USH2A: variants seen among roughly 807,000 people sequenced by gnomAD.
USH2A encodes the protein usherin.
Under a neutral mutation model 538.9 loss-of-function variants are expected in USH2A, and 443 were observed. That is an observed-to-expected ratio of 0.82 (90% CI 0.76 to 0.89). USH2A has a LOEUF of 0.89. Among genes scored for constraint, USH2A ranks in the 40% least tolerant of loss-of-function variants. USH2A has a pLI of 0.00. For missense variants in USH2A, 6,633 were observed against 6,324.8 expected (o/e 1.05, Z -1.65); for synonymous variants, 2,413 against 2,273.5 (o/e 1.06, Z -1.75).
At chr1:215,821,804 G>T (rs1240014282) in intron 47 of USH2A, among the ~76,000 whole-genome samples, 1 of 151,594 alleles carries the variant, frequency 6.6e-6, no homozygotes, top group Non-Finnish European at 1.5e-5. Flanking sequence ...AGAGATAGGG[G>T]TCTATCTCTT....
chr1:216,092,372 G>A (rs149192589), intron 22 of USH2A, among the ~76,000 whole-genome samples: 140 of 152,148 alleles, frequency 9.2e-4, no homozygotes, highest in Middle Eastern at 3.4e-3. Flanking sequence ...AGATAATCTC[G>A]TCCGCATTTA....
chr1:215,748,719 C>T (rs10864192), intron 58 of USH2A, among the ~76,000 whole-genome samples: 45,662 of 152,000 alleles, frequency 0.3, 7,107 homozygotes, highest in Admixed American at 0.39. Flanking sequence ...TCCCAAGCGA[C>T]CACTGGCAAA....
At position 216,247,163 on chromosome 1, in the gene USH2A, C is replaced by T. The variant is rs751035557; in HGVS notation, c.2231G>A (p.Cys744Tyr). ...KFLRSFNDVG[C>Y]EPCQCNLHGS... ...ATGGAGGTTACACTGGCAGGGCTCA[C>T]ATCCAACATCATTAAAGCTTCGGAG... The change falls in exon 13 of 72, where the codon TGT becomes TAT. Residue 744 changes from cysteine (C) to tyrosine (Y), a missense_variant. By Grantham distance (194) the Cys-to-Tyr change is radical. Coordinates refer to ENST00000307340, the MANE Select transcript of USH2A (RefSeq NM_206933.4). 2 of 1,614,086 alleles carry T rather than the reference C, an allele frequency of 1.2e-6. No homozygotes were observed. The highest frequency in any genetic ancestry group is 8.5e-7 in the Non-Finnish European group (1 of 1,179,950).
chr1:215,832,193 G>A (rs1367925586), intron 47 of USH2A, among the ~76,000 whole-genome samples: 1 of 151,770 alleles, frequency 6.6e-6, no homozygotes, highest in Admixed American at 6.6e-5. Flanking sequence ...GGGTTTCACT[G>A]GTGAATTTTA....
At chr1:215,732,544 C>CTTTCTTTTTTTTTTTTT in intron 60 of USH2A, among the ~76,000 whole-genome samples, 1 of 73,558 alleles carries the variant, frequency 1.4e-5, no homozygotes, top group African/African-American at 6.1e-5. Flanking sequence ...TTTTTTCTTT[C>CTTTCTTTTTTTTTTTTT]TTTTTTTTTT....
At chr1:215,705,036 T>C (rs1659147267) in intron 61 of USH2A, among the ~76,000 whole-genome samples, 1 of 152,254 alleles carries the variant, frequency 6.6e-6, no homozygotes, top group Non-Finnish European at 1.5e-5. Context: ...ATTATCTTAT[T>C]GGCAATATGC....
At chr1:215,850,441 T>A (rs1345382436) in intron 44 of USH2A, among the ~76,000 whole-genome samples, 1 of 152,150 alleles carries the variant, frequency 6.6e-6, no homozygotes, top group Admixed American at 6.5e-5. Flanking sequence ...GCATCTGGAC[T>A]GAGATGTGAA....
At chr1:215,841,070 C>T (rs913613012) in intron 46 of USH2A, among the ~76,000 whole-genome samples, 1 of 152,118 alleles carries the variant, frequency 6.6e-6, no homozygotes, top group South Asian at 2.1e-4. Context: ...GAAAAACATT[C>T]CATGCTCATG....
rs1285703945 is a variant in USH2A, at chr1:215,780,854, C to T, written c.10741-813G>A. On this transcript the variant is annotated intron_variant, in intron 54 of 71. Coordinates refer to ENST00000307340, the MANE Select transcript of USH2A (RefSeq NM_206933.4). Reference sequence around the variant, plus strand: ...TTGAACAAAATGTTGCATTCTTGCACTGTGGCTGAGCAGTGTGGCTGAATG... The same window carrying T: ...TTGAACAAAATGTTGCATTCTTGCATTGTGGCTGAGCAGTGTGGCTGAATG... Among the ~76,000 whole-genome samples, 3 of 152,236 alleles carry T rather than the reference C, an allele frequency of 2.0e-5. No individual in the cohort carries two copies. The East Asian group carries it at 5.8e-4, about 29-fold the overall frequency.
intron 61 of USH2A, among the ~76,000 whole-genome samples, chr1:215,689,498 C>T (rs772803930): frequency 6.6e-6 from 1 of 152,188 alleles, no homozygotes; most frequent in Non-Finnish European, 1.5e-5. Flanking sequence ...TTCTCCCTCC[C>T]CCTGAGTGCA....
chr1:216,217,241 A>C (rs2035360231), intron 15 of USH2A, 146 bp downstream of exon 15: 1 of 885,680 alleles, frequency 1.1e-6, no homozygotes, highest in Admixed American at 2.3e-5. Context: ...TATTTCATTC[A>C]GTGTATTTTT....
intron 47 of USH2A, among the ~76,000 whole-genome samples, chr1:215,831,439 T>G (rs1663312371): frequency 6.6e-6 from 1 of 152,050 alleles, no homozygotes; most frequent in African/African-American, 2.4e-5. Context: ...ATCCATTCAC[T>G]AAGATAGATC....
At chr1:215,856,835 G>C (rs1306590244) in intron 44 of USH2A, among the ~76,000 whole-genome samples, 1 of 43,768 alleles carries the variant, frequency 2.3e-5, no homozygotes, top group Non-Finnish European at 4.1e-5. Flanking sequence ...AAAATTTGGT[G>C]TGTGTGTGTG....
In USH2A at chr1:216,323,605, G is replaced by A. The variant is rs1805050; in HGVS notation, c.1419C>T (p.Thr473=). The change falls in exon 8 of 72, where the codon ACC becomes ACT. Residue 473 remains threonine, a synonymous_variant. Transcript: ENST00000307340. ...YRPGYNNFYN[T]PSLQEFVKAT... ...CTTTTACGAACTCTTGAAGAGATGG[G>A]GTATTATAGAAGTTATTGTATCCAG... 0.25 allele frequency: 401,536 copies of A among 1,613,018 alleles called. 51,530 individuals carry two copies. The highest frequency in any genetic ancestry group is 0.38 in the African/African-American group (28,663 of 74,764).
At chr1:216,217,760 C>A (rs565574475) in intron 14 of USH2A, among the ~76,000 whole-genome samples, 4 of 152,046 alleles carry the variant, frequency 2.6e-5, no homozygotes, top group African/African-American at 9.6e-5. Context: ...CCTGGTAAAA[C>A]CCGTATAAAG....
intron 61 of USH2A, among the ~76,000 whole-genome samples, chr1:215,704,177 G>A (rs1295820589): frequency 2.6e-5 from 4 of 152,196 alleles, no homozygotes; most frequent in South Asian, 2.1e-4. Flanking sequence ...GATGAACCGG[G>A]TATCTCAGTT....
At chr1:215,823,366 T>C (rs1663067235) in intron 47 of USH2A, among the ~76,000 whole-genome samples, 2 of 152,098 alleles carry the variant, frequency 1.3e-5, no homozygotes, top group Admixed American at 6.6e-5. Flanking sequence ...GTCATCCCAC[T>C]TCCTCCTAGC....
intron 61 of USH2A, among the ~76,000 whole-genome samples, chr1:215,690,367 C>T (rs964848756): frequency 1.3e-5 from 2 of 152,162 alleles, no homozygotes; most frequent in Admixed American, 6.5e-5. Context: ...TTACTCTCCT[C>T]CCCAAATCTT....
intron 61 of USH2A, among the ~76,000 whole-genome samples, chr1:215,702,640 C>A (rs1199775043): frequency 6.6e-6 from 1 of 151,502 alleles, no homozygotes; most frequent in Non-Finnish European, 1.5e-5. Flanking sequence ...TCACAAAGTT[C>A]TAGTGCTGTG....
Sources: gnomAD v4.1 joint callset for allele counts (sites outside exome capture counted in the v4.1 genomes callset) on GRCh38, gnomAD v4.1.1 for gene constraint, MANE v1.5 for transcripts, NCBI Gene and HGNC (gene_info 2026-07-23, HGNC 2026-07-21) for gene names.